Variants in PIEZO2 observed in about 807,000 individuals in gnomAD.
PIEZO2 encodes the protein piezo type mechanosensitive ion channel component 2, also known as piezo-type mechanosensitive ion channel component 2.
A neutral mutation model predicts 337.3 loss-of-function variants in PIEZO2; 172 were observed. That is an observed-to-expected ratio of 0.51 (90% confidence interval 0.45 to 0.58). The LOEUF is 0.58. Among genes scored for constraint, PIEZO2 ranks in the 20% least tolerant of loss-of-function variants. The probability of loss-of-function intolerance (pLI) is 0.00; values close to 1 mark genes in which losing one functional copy is unlikely to be tolerated. For missense variants in PIEZO2, 3,028 were observed against 3,391.3 expected (o/e 0.89, Z 2.66); for synonymous variants, 1,251 against 1,228.5 (o/e 1.02, Z -0.38).
chr18:10,726,534 G>T lies in PIEZO2; in HGVS notation c.5029+4873C>A. 6.9e-7 allele frequency: 1 copy of T among 1,452,670 alleles called. No individual in the cohort carries two copies. Among genetic ancestry groups the T allele is most frequent in the Non-Finnish European group, 9.1e-7 (1 of 1,097,106 alleles). 90.0% of individuals were successfully genotyped at this position (1,452,670 alleles called of 1,614,324 possible). ...TTCCTGTGGCGCGCTGCGCTGCTCT[G>T]CTCTGCTACACCAGCCGCCACGCTG... On this transcript the variant is annotated intron_variant, in intron 36 of 55. Coordinates refer to ENST00000674853, the MANE Select transcript of PIEZO2 (RefSeq NM_001378183.1). This position sits in a 1 kb window ranked among gnomAD's most constrained non-coding sequence, Gnocchi z 5.9.
intron 48 of PIEZO2, among the ~76,000 whole-genome samples, chr18:10,690,887 C>A (rs1261344798): frequency 6.6e-6 from 1 of 152,142 alleles, no homozygotes. Flanking sequence ...TGGAATAGTC[C>A]AGGCTCCACA....
intron 2 of PIEZO2, among the ~76,000 whole-genome samples, chr18:11,061,568 C>A (rs1028994764): frequency 1.3e-5 from 2 of 152,142 alleles, no homozygotes; most frequent in Admixed American, 6.6e-5. Context: ...TCTCAGGATA[C>A]AAAATCAATG....
In PIEZO2 at chr18:10,800,414, G is replaced by C. The variant is rs2039769814; in HGVS notation, c.1301C>G (p.Pro434Arg). 1 of 1,536,224 alleles carries C rather than the reference G, an allele frequency of 6.5e-7. No individual in the cohort carries two copies. The highest frequency in any genetic ancestry group is 1.2e-5 in the South Asian group (1 of 83,858). Residue 434 changes from proline to arginine, a missense_variant, in exon 11 of 56, where the codon CCC becomes CGC. Pro to Arg is a moderately radical substitution (Grantham distance 103). This residue lies in a region of PIEZO2 where 542 missense variants were observed against 605.6 expected (regional missense o/e 0.89). Transcript: ENST00000674853. ...GGCTTTGCCAGGGCCGTTCTCCATGGGCAGGCTTGGGTGGATGGTGTGGTA... is the reference window on the plus strand; with the variant it reads ...GGCTTTGCCAGGGCCGTTCTCCATGCGCAGGCTTGGGTGGATGGTGTGGTA... Reference protein sequence around the residue: ...VDYHTIHPSLPMENGPGKADL... With the variant: ...VDYHTIHPSLRMENGPGKADL...
At chr18:11,050,285 ACAT>A (rs559211953) in intron 2 of PIEZO2, among the ~76,000 whole-genome samples, 51 of 152,282 alleles carry the variant, frequency 3.3e-4, no homozygotes, top group African/African-American at 1.0e-3. Flanking sequence ...ACATAATAAA[ACAT>A]AATAATAATA....
intron 18 of PIEZO2, among the ~76,000 whole-genome samples, chr18:10,778,344 T>C (rs1426881659): frequency 2.9e-5 from 2 of 69,494 alleles, no homozygotes; most frequent in Non-Finnish European, 5.8e-5. Flanking sequence ...TCTTTTTTTT[T>C]TTTTTTTTGA....
chr18:10,677,579 G>T lies in PIEZO2; in HGVS notation c.8081+168C>A. 1 of 736,554 alleles carries T rather than the reference G, an allele frequency of 1.4e-6. No homozygotes were observed. Among genetic ancestry groups the T allele is most frequent in the Non-Finnish European group, 2.1e-6 (1 of 471,162 alleles). 45.6% of individuals were successfully genotyped at this position (736,554 alleles called of 1,614,324 possible). On this transcript the variant is annotated intron_variant, in intron 53 of 55. Coordinates refer to ENST00000674853, the MANE Select transcript of PIEZO2 (RefSeq NM_001378183.1). This position sits in a 1 kb window ranked among gnomAD's most constrained non-coding sequence, Gnocchi z 4.1. ...ACAGTGGACAGAAAACTCCATAGCTGAGATTAAGTTTCTTTAATCTTGCAA... is the reference window on the plus strand; with the variant it reads ...ACAGTGGACAGAAAACTCCATAGCTTAGATTAAGTTTCTTTAATCTTGCAA...
chr18:10,913,145 T>C (rs1188803076), intron 3 of PIEZO2, among the ~76,000 whole-genome samples: 1 of 152,202 alleles, frequency 6.6e-6, no homozygotes, highest in Non-Finnish European at 1.5e-5. Flanking sequence ...CACATAATAA[T>C]TGCACATATT....
chr18:10,776,329 C>CAGAAATTA (rs2038784516), intron 18 of PIEZO2, among the ~76,000 whole-genome samples: 1 of 152,162 alleles, frequency 6.6e-6, no homozygotes, highest in Non-Finnish European at 1.5e-5. Context: ...AAGCAGTTAA[C>CAGAAATTA]ACAGTGGTTA....
At chr18:10,935,159 TGAG>T (rs1309147356) in intron 3 of PIEZO2, among the ~76,000 whole-genome samples, 1 of 152,224 alleles carries the variant, frequency 6.6e-6, no homozygotes, top group Admixed American at 6.5e-5. Context: ...GTTTTGTATG[TGAG>T]GAGAATATCA....
rs2035812826 is a variant in PIEZO2 at position 11,009,158 on chromosome 18, T to C, written c.161-29498A>G. ...GGTGATTGTCTCAGGGTAGGAATCC[T>C]GGTAGGTTGCTCTTGCCACGTCACT... On this transcript the variant is annotated intron_variant, in intron 2 of 55. Coordinates refer to ENST00000674853, the MANE Select transcript of PIEZO2 (RefSeq NM_001378183.1). The surrounding 1 kb of genome is among the most constrained non-coding windows in gnomAD (Gnocchi z 4.6). 1.3e-5 allele frequency among the ~76,000 whole-genome samples: 2 copies of C among 152,232 alleles called. No homozygotes were observed. The highest frequency in any genetic ancestry group is 1.3e-4 in the Admixed American group (2 of 15,290).
chr18:10,872,479 A>G lies in PIEZO2; in HGVS notation c.330-1064T>C, dbSNP rs1429315505. ...AGTTGCCAGCATAGTTGGCCAGCAC[A>G]CATCACCTCAGCTGAAATGTGTTCT... On this transcript the variant is annotated intron_variant, in intron 4 of 55. Transcript: ENST00000674853. The surrounding 1 kb of genome is among the most constrained non-coding windows in gnomAD (Gnocchi z 4.3). Among the ~76,000 whole-genome samples the G allele has an allele frequency of 6.6e-6, 1 of 152,160 alleles. No individual in the cohort carries two copies. The highest frequency in any genetic ancestry group is 2.4e-5 in the African/African-American group (1 of 41,434).
At chr18:11,011,674 TC>T (rs1310269156) in intron 2 of PIEZO2, among the ~76,000 whole-genome samples, 2 of 152,200 alleles carry the variant, frequency 1.3e-5, no homozygotes, top group Admixed American at 6.5e-5. Flanking sequence ...TCTTAACTGC[TC>T]TAACTTTCTA....
intron 7 of PIEZO2, among the ~76,000 whole-genome samples, chr18:10,809,256 CTCTCTTTTTTT>C (rs2040100622): frequency 9.5e-6 from 1 of 105,578 alleles, no homozygotes; most frequent in South Asian, 3.1e-4. Context: ...CTCTCTCTCT[CTCTCTTTTTTT>C]TTTTTTTTTT....
intron 4 of PIEZO2, among the ~76,000 whole-genome samples, chr18:10,885,244 GA>G (rs2042543662): frequency 6.6e-6 from 1 of 152,086 alleles, no homozygotes; most frequent in Non-Finnish European, 1.5e-5. Flanking sequence ...CTAACATGGT[GA>G]AACCCTGTCT....
chr18:11,084,419 T>G (rs972710954), intron 1 of PIEZO2, among the ~76,000 whole-genome samples: 1 of 152,156 alleles, frequency 6.6e-6, no homozygotes, highest in African/African-American at 2.4e-5. Flanking sequence ...GGCATCATTC[T>G]TCTTTCAGGG....
intron 36 of PIEZO2, among the ~76,000 whole-genome samples, chr18:10,729,538 C>T (rs748067740): frequency 2.0e-5 from 3 of 150,698 alleles, no homozygotes; most frequent in Non-Finnish European, 2.9e-5. Context: ...GCACGAGAAT[C>T]GCTTGAACCC....
intron 2 of PIEZO2, among the ~76,000 whole-genome samples, chr18:11,042,887 G>A (rs951297110): frequency 6.6e-6 from 1 of 152,192 alleles, no homozygotes. Flanking sequence ...TAAATTTATG[G>A]TTAAATGAGA....
intron 49 of PIEZO2, among the ~76,000 whole-genome samples, chr18:10,683,098 AC>A (rs953000122): frequency 6.6e-6 from 1 of 152,286 alleles, no homozygotes; most frequent in African/African-American, 2.4e-5. Flanking sequence ...TTTCAGGGTT[AC>A]CCCTCAGGCC....
At chr18:11,086,418 C>G (rs943394076) in intron 1 of PIEZO2, among the ~76,000 whole-genome samples, 1 of 151,152 alleles carries the variant, frequency 6.6e-6, no homozygotes, top group Non-Finnish European at 1.5e-5. Flanking sequence ...ACTCAGGAGG[C>G]TGAGGCAGGA....
Sources: allele counts gnomAD v4.1 joint callset (sites outside exome capture counted in the v4.1 genomes callset), GRCh38; gene constraint gnomAD v4.1.1; regional missense constraint gnomAD v4.1.1; non-coding constraint Gnocchi (gnomAD v3.1); transcripts MANE v1.5; gene names NCBI Gene and HGNC (gene_info 2026-07-23, HGNC 2026-07-21).